Variants in MTSS1 observed in about 807,000 individuals in gnomAD.
MTSS1 encodes the protein protein MTSS 1.
MTSS1 carries 18 observed loss-of-function variants against 79.0 expected under a neutral mutation model. That is an observed-to-expected ratio of 0.23 (90% CI 0.16 to 0.34). The LOEUF is 0.34. MTSS1 is among the 10% of genes least tolerant of loss of function. The probability of loss-of-function intolerance (pLI) is 1.00; values close to 1 mark genes in which losing one functional copy is unlikely to be tolerated. For missense variants in MTSS1, 815 were observed against 986.2 expected, an observed-to-expected ratio of 0.83 and a Z score of 2.33; for synonymous variants, 341 against 368.6, an observed-to-expected ratio of 0.93 and a Z score of 0.86.
At chr8:124,605,992 AG>A (rs1213307627) in intron 3 of MTSS1, among the ~76,000 whole-genome samples, 1 of 123,936 alleles carries the variant, frequency 8.1e-6, no homozygotes, top group Non-Finnish European at 1.6e-5. Flanking sequence ...TTTGAGACAG[AG>A]TCTCACTCTG....
In MTSS1 at chr8:124,597,356, G is replaced by A. The variant is rs773638975; in HGVS notation, c.209-6121C>T. Among the ~76,000 whole-genome samples, 17 of 152,142 alleles carry A rather than the reference G, an allele frequency of 1.1e-4. No homozygotes were observed. The highest frequency in any genetic ancestry group is 1.7e-4 in the African/African-American group (7 of 41,420). On this transcript the variant is annotated intron_variant, in intron 3 of 13. Coordinates refer to ENST00000518547, the MANE Select transcript of MTSS1 (RefSeq NM_014751.6). The surrounding 1 kb of genome is among the most constrained non-coding windows in gnomAD (Gnocchi z 4.6). ...GATACCAAGGGCTCTCTCTCACTAC[G>A]ACAAGCTGGAGACATTCCCAGCTGA...
chr8:124,680,257 C>T (rs563747591), intron 3 of MTSS1, among the ~76,000 whole-genome samples: 3 of 152,340 alleles, frequency 2.0e-5, no homozygotes, highest in Admixed American at 2.0e-4. Flanking sequence ...AACTCAATCG[C>T]AGGCTCAGGA....
chr8:124,576,831 GAATA>G (rs1276453705), intron 6 of MTSS1, among the ~76,000 whole-genome samples: 1 of 152,194 alleles, frequency 6.6e-6, no homozygotes. Flanking sequence ...ATTATGCAAG[GAATA>G]AATATTTCAA....
intron 3 of MTSS1, among the ~76,000 whole-genome samples, chr8:124,663,301 C>T (rs1348753388): frequency 6.6e-6 from 1 of 152,132 alleles, no homozygotes; most frequent in Non-Finnish European, 1.5e-5. Context: ...AGCCTTGGAG[C>T]CCCTTTGCTC....
At chr8:124,690,068 A>G (rs1312294496) in intron 3 of MTSS1, among the ~76,000 whole-genome samples, 1 of 152,138 alleles carries the variant, frequency 6.6e-6, no homozygotes, top group East Asian at 1.9e-4. Context: ...GCCTAACAAC[A>G]CAAATAACCA....
rs1342632293 is a variant in MTSS1 at position 124,683,966 on chromosome 8, C to A, written c.208+15560G>T. 6.6e-6 allele frequency among the ~76,000 whole-genome samples: 1 copy of A among 152,216 alleles called. No homozygotes were observed. The highest frequency in any genetic ancestry group is 1.5e-5 in the Non-Finnish European group (1 of 68,042). On this transcript the variant is annotated intron_variant, in intron 3 of 13. Coordinates refer to ENST00000518547, the MANE Select transcript of MTSS1 (RefSeq NM_014751.6). This position sits in a 1 kb window ranked among gnomAD's most constrained non-coding sequence, Gnocchi z 4.5. ...GGCCATAGGATTCTCAAATACTGATCATCTGAACAAATAGAATCTTGTATC... is the reference window on the plus strand; with the variant it reads ...GGCCATAGGATTCTCAAATACTGATAATCTGAACAAATAGAATCTTGTATC...
intron 12 of MTSS1, 28 bp from the exon 13 acceptor site, chr8:124,555,932 G>C: frequency 6.4e-7 from 1 of 1,571,046 alleles, no homozygotes; most frequent in South Asian, 1.1e-5. Flanking sequence ...GAAATACACA[G>C]GTTGCTTTAG....
intron 3 of MTSS1, among the ~76,000 whole-genome samples, chr8:124,696,704 A>G (rs1044788331): frequency 4.6e-5 from 7 of 152,082 alleles, no homozygotes; most frequent in African/African-American, 1.7e-4. Flanking sequence ...TACAAAAATT[A>G]GCTGGGCGTG....
chr8:124,572,738 C>A (rs371874154), intron 6 of MTSS1, among the ~76,000 whole-genome samples: 1 of 132,430 alleles, frequency 7.6e-6, no homozygotes, highest in Non-Finnish European at 1.6e-5. Context: ...TCTTTCTTTT[C>A]TTTTCTTTTT....
chr8:124,607,730 T>C (rs79222250), intron 3 of MTSS1, among the ~76,000 whole-genome samples: 4,711 of 152,226 alleles, frequency 0.031, 235 homozygotes, highest in African/African-American at 0.11. Context: ...GTAATGTGAA[T>C]CCAAAAACTA....
At chr8:124,627,663 C>T (rs1814969098) in intron 3 of MTSS1, among the ~76,000 whole-genome samples, 1 of 151,764 alleles carries the variant, frequency 6.6e-6, no homozygotes, top group Non-Finnish European at 1.5e-5. Context: ...TGGGAGATGG[C>T]CAGGGGTGGC....
chr8:124,633,804 C>T (rs971574596), intron 3 of MTSS1, among the ~76,000 whole-genome samples: 13 of 151,408 alleles, frequency 8.6e-5, no homozygotes, highest in African/African-American at 2.9e-4. Flanking sequence ...ACAAAAAAAC[C>T]CTTCAGTGCC....
chr8:124,661,631 T>G (rs6989891), intron 3 of MTSS1, among the ~76,000 whole-genome samples: 1 of 152,124 alleles, frequency 6.6e-6, no homozygotes, highest in Non-Finnish European at 1.5e-5. Context: ...CAGAGCCTCC[T>G]CAGCCCAGGT....
chr8:124,676,933 T>A (rs776650252), intron 3 of MTSS1, among the ~76,000 whole-genome samples: 1 of 152,146 alleles, frequency 6.6e-6, no homozygotes, highest in Non-Finnish European at 1.5e-5. Context: ...ATTGTATACA[T>A]AATAAAGTCA....
chr8:124,558,498 T>C (rs947654035), intron 10 of MTSS1, among the ~76,000 whole-genome samples: 3 of 152,084 alleles, frequency 2.0e-5, no homozygotes, highest in Non-Finnish European at 2.9e-5. Flanking sequence ...TACCCCTTCC[T>C]CTCCCTTGAG....
chr8:124,609,052 G>A (rs770370043), intron 3 of MTSS1, among the ~76,000 whole-genome samples: 5 of 152,222 alleles, frequency 3.3e-5, no homozygotes, highest in Admixed American at 6.5e-5. Context: ...CACACTTGGA[G>A]TGAAAGGGGC....
At chr8:124,633,628 G>A (rs62530687) in intron 3 of MTSS1, among the ~76,000 whole-genome samples, 1 of 151,978 alleles carries the variant, frequency 6.6e-6, no homozygotes, top group East Asian at 1.9e-4. Flanking sequence ...AAATTATCTG[G>A]GTGTGGTGGC....
intron 3 of MTSS1, among the ~76,000 whole-genome samples, chr8:124,667,976 C>G (rs906303927): frequency 9.2e-5 from 14 of 151,876 alleles, no homozygotes; most frequent in African/African-American, 3.4e-4. Flanking sequence ...GGGCAGGGGT[C>G]TGGGGGACCA....
In MTSS1 at chr8:124,555,722, C is replaced by CA; in HGVS notation, c.1567+19dup. ...GTGCTGCTCAGAAAGCCTAAGTGCA[C>CA]ACCCCAGGCTGCCTCGTACCTTGGG... On this transcript the variant is annotated intron_variant, in intron 13 of 13. Transcript: ENST00000518547. 1 of 1,580,194 alleles carries CA rather than the reference C, an allele frequency of 6.3e-7. No homozygotes were observed. Among genetic ancestry groups the CA allele is most frequent in the Admixed American group, 1.8e-5 (1 of 55,932 alleles).
Sources: allele counts gnomAD v4.1 joint callset (sites outside exome capture counted in the v4.1 genomes callset), GRCh38; gene constraint gnomAD v4.1.1; non-coding constraint Gnocchi (gnomAD v3.1); transcripts MANE v1.5; gene names NCBI Gene and HGNC (gene_info 2026-07-23, HGNC 2026-07-21).